The following CCDC178 variants were observed in gnomAD, a reference collection of about 807,000 sequenced individuals.
CCDC178 encodes coiled-coil domain-containing protein 178.
Under a neutral mutation model 117.4 loss-of-function variants are expected in CCDC178, and 126 were observed. The observed-to-expected ratio is 1.07, with a 90% CI of 0.93 to 1.24. The LOEUF is 1.24. CCDC178 is among the 50% of genes most tolerant of loss of function. The pLI, the probability that CCDC178 is intolerant of heterozygous loss-of-function variation, is 0.00. For synonymous variants in CCDC178, 283 were observed against 313.4 expected, an observed-to-expected ratio of 0.90 and a Z score of 1.02; for missense variants, 1,030 against 986.9, an observed-to-expected ratio of 1.04 and a Z score of -0.59.
intron 12 of CCDC178, 138 bp from the exon 13 acceptor site, chr18:33,267,435 C>G: frequency 3.9e-6 from 2 of 512,472 alleles, no homozygotes; most frequent in Non-Finnish European, 6.8e-6. Flanking sequence ...AATTCGGAAT[C>G]ATAATTCATC....
At chr18:33,032,731 G>C (rs1179043264) in intron 21 of CCDC178, among the ~76,000 whole-genome samples, 1 of 152,070 alleles carries the variant, frequency 6.6e-6, no homozygotes, top group East Asian at 1.9e-4. Flanking sequence ...CAAGAATCTG[G>C]AAGTATTTTA....
chr18:33,275,193 A>T (rs2059933514), intron 12 of CCDC178, among the ~76,000 whole-genome samples: 1 of 152,106 alleles, frequency 6.6e-6, no homozygotes. Flanking sequence ...GGTATAATTT[A>T]AAAATACCAA....
chr18:33,383,364 C>T (rs1380690178), intron 5 of CCDC178, among the ~76,000 whole-genome samples: 1 of 152,084 alleles, frequency 6.6e-6, no homozygotes. Context: ...ACCAGCTCCA[C>T]TAAGGGACAG....
chr18:33,402,652 G>T (rs934690010), intron 3 of CCDC178, among the ~76,000 whole-genome samples: 1 of 152,186 alleles, frequency 6.6e-6, no homozygotes, highest in Non-Finnish European at 1.5e-5. Flanking sequence ...TTACATTTCT[G>T]AGATATGAGA....
chr18:32,951,062 G>C (rs1258897091), intron 22 of CCDC178, among the ~76,000 whole-genome samples: 3 of 152,078 alleles, frequency 2.0e-5, no homozygotes, highest in Non-Finnish European at 4.4e-5. Context: ...AAAAAAAATA[G>C]TCTGCAAAAT....
intron 3 of CCDC178, among the ~76,000 whole-genome samples, chr18:33,409,760 G>C (rs2063825707): frequency 6.6e-6 from 1 of 152,048 alleles, no homozygotes; most frequent in Non-Finnish European, 1.5e-5. Context: ...ATCTGATGAT[G>C]GTGTGAAGCC....
intron 5 of CCDC178, among the ~76,000 whole-genome samples, chr18:33,376,587 C>G (rs966788047): frequency 6.6e-6 from 1 of 151,990 alleles, no homozygotes; most frequent in Non-Finnish European, 1.5e-5. Flanking sequence ...AGTTTTTTAA[C>G]CTTTGGCCCC....
intron 21 of CCDC178, among the ~76,000 whole-genome samples, chr18:33,065,840 A>G (rs1223011093): frequency 1.3e-5 from 2 of 151,524 alleles, no homozygotes; most frequent in Non-Finnish European, 2.9e-5. Flanking sequence ...CAAGACTGTT[A>G]TACCTAGCAA....
chr18:33,117,029 T>C (rs1033556219), intron 20 of CCDC178, among the ~76,000 whole-genome samples: 1 of 152,076 alleles, frequency 6.6e-6, no homozygotes, highest in Non-Finnish European at 1.5e-5. Flanking sequence ...TCTATATCAA[T>C]TGATGGTCTG....
chr18:33,245,783 A>G (rs1319028280), intron 14 of CCDC178, among the ~76,000 whole-genome samples: 2 of 151,940 alleles, frequency 1.3e-5, no homozygotes, highest in African/African-American at 4.8e-5. Flanking sequence ...AATATGTTCA[A>G]TGGAAAAGCC....
chr18:33,177,995 G>T (rs1335888958), intron 20 of CCDC178, among the ~76,000 whole-genome samples: 2 of 152,016 alleles, frequency 1.3e-5, no homozygotes, highest in African/African-American at 4.8e-5. Context: ...TTAGCAACCT[G>T]CTCTCACTTC....
chr18:33,234,564 CTTAATTA>C (rs2059406220), intron 15 of CCDC178, among the ~76,000 whole-genome samples: 1 of 151,372 alleles, frequency 6.6e-6, no homozygotes, highest in Non-Finnish European at 1.5e-5. Flanking sequence ...GTAGGGAACT[CTTAATTA>C]TTAATTAAAA....
Position 33,215,641 on chromosome 18 carries a change from T to C in CCDC178, c.1987A>G (p.Ile663Val). 6.5e-7 allele frequency: 1 copy of C among 1,537,790 alleles called. No homozygotes were observed. Residue 663 changes from isoleucine (I) to valine (V), a missense_variant, in exon 19 of 23, where the codon ATT (isoleucine) becomes GTT (valine). By Grantham distance (29) the Ile-to-Val change is conservative. Coordinates refer to ENST00000383096, the MANE Select transcript of CCDC178 (RefSeq NM_001105528.4). ...DLEATKSKTM[I>V]FYAKINELNE... ...AATTCATTTATTTTTGCATAAAAAA[T>C]CATTGTCTTACTTTTAGTTGCTTCT... is the stretch of plus-strand genomic sequence containing the variant.
At chr18:33,027,888 A>G (rs1233379488) in intron 21 of CCDC178, among the ~76,000 whole-genome samples, 1 of 151,712 alleles carries the variant, frequency 6.6e-6, no homozygotes, top group Non-Finnish European at 1.5e-5. Flanking sequence ...CAGATTTCCA[A>G]CCAAAAAACA....
chr18:32,999,870 C>T (rs565100019), intron 21 of CCDC178, among the ~76,000 whole-genome samples: 32 of 152,072 alleles, frequency 2.1e-4, no homozygotes, highest in African/African-American at 7.0e-4. Flanking sequence ...GGAAAACCTT[C>T]CCAAGTAGAA....
rs373676522 is a variant in CCDC178 at position 33,323,477 on chromosome 18, C to T, written c.1022+14G>A. ...TTCTAAATGCTATAATTAGTGTTTG[C>T]GAAAAATTCTTACTTGTAGGCCTCT... On this transcript the variant is annotated intron_variant, in intron 11 of 22. Transcript: ENST00000383096. The T allele has an allele frequency of 4.0e-5, 58 of 1,438,910 alleles. No individual in the cohort carries two copies. Among genetic ancestry groups the T allele is most frequent in the East Asian group, 2.1e-4 (8 of 38,996 alleles). The allele number at this position is 1,438,910 out of a possible 1,614,324, so 89.1% of individuals were successfully genotyped here. A position where few individuals can be genotyped will look rare whatever the true frequency, so the allele number is the denominator to read the frequency against.
chr18:33,276,733 T>C (rs577672210), intron 12 of CCDC178, among the ~76,000 whole-genome samples: 25 of 152,010 alleles, frequency 1.6e-4, no homozygotes, highest in African/African-American at 5.3e-4. Context: ...AAAAAGAAAA[T>C]TGGGGTGTGT....
intron 20 of CCDC178, among the ~76,000 whole-genome samples, chr18:33,112,396 T>C (rs2057796031): frequency 6.6e-6 from 1 of 151,902 alleles, no homozygotes; most frequent in African/African-American, 2.4e-5. Flanking sequence ...ATTAATGATA[T>C]AAAATTCAAA....
At chr18:32,941,914 T>G (rs1041884894) in intron 22 of CCDC178, among the ~76,000 whole-genome samples, 2 of 152,172 alleles carry the variant, frequency 1.3e-5, no homozygotes, top group Non-Finnish European at 2.9e-5. Flanking sequence ...TAAGGATTGA[T>G]GAACCTCTCT....
Sources: gnomAD v4.1 joint callset for allele counts (sites outside exome capture counted in the v4.1 genomes callset) on GRCh38, gnomAD v4.1.1 for gene constraint, MANE v1.5 for transcripts, NCBI Gene and HGNC (gene_info 2026-07-23, HGNC 2026-07-21) for gene names.